The following GRID2 variants were observed in gnomAD, a reference collection of about 807,000 sequenced individuals.
GRID2 encodes glutamate ionotropic receptor delta type subunit 2.
A neutral mutation model predicts 114.8 loss-of-function variants in GRID2; 33 were observed. That is an observed-to-expected ratio of 0.29 (90% CI 0.22 to 0.38). The LOEUF is 0.38. Ranked by LOEUF, GRID2 falls within the 10% of genes least tolerant of loss-of-function variation. The probability of loss-of-function intolerance (pLI) is 1.00; values close to 1 mark genes in which losing one functional copy is unlikely to be tolerated. For missense variants in GRID2, 1,184 were observed against 1,257.7 expected, an observed-to-expected ratio of 0.94 and a Z score of 0.89; for synonymous variants, 505 against 449.9, an observed-to-expected ratio of 1.12 and a Z score of -1.55.
intron 2 of GRID2, among the ~76,000 whole-genome samples, chr4:92,904,155 G>A (rs1200767719): frequency 1.3e-5 from 2 of 151,180 alleles, no homozygotes; most frequent in Non-Finnish European, 3.0e-5. Context: ...TTTAATAAAA[G>A]CATATTCAAT....
At chr4:93,477,558 G>C (rs1367968407) in intron 11 of GRID2, among the ~76,000 whole-genome samples, 2 of 151,964 alleles carry the variant, frequency 1.3e-5, no homozygotes, top group Admixed American at 1.3e-4. Context: ...ACAGATAAAA[G>C]AACTTCTAAT....
At chr4:92,995,264 T>C (rs1236454498) in intron 2 of GRID2, among the ~76,000 whole-genome samples, 1 of 152,156 alleles carries the variant, frequency 6.6e-6, no homozygotes, top group Admixed American at 6.6e-5. Context: ...ATTCTCTCTC[T>C]CCCTCCTCTA....
chr4:93,390,235 T>A (rs1764723229), intron 8 of GRID2, among the ~76,000 whole-genome samples: 1 of 152,218 alleles, frequency 6.6e-6, no homozygotes. Context: ...CAGAATTTTT[T>A]AAAGCTTTCC....
chr4:93,372,338 A>G (rs1414436748), intron 8 of GRID2, among the ~76,000 whole-genome samples: 1 of 150,158 alleles, frequency 6.7e-6, no homozygotes. Flanking sequence ...AAATGTAACT[A>G]CATATGCACA....
At chr4:92,724,271 G>T (rs1735952426) in intron 2 of GRID2, among the ~76,000 whole-genome samples, 1 of 151,974 alleles carries the variant, frequency 6.6e-6, no homozygotes, top group Non-Finnish European at 1.5e-5. Flanking sequence ...ATATTTCCAT[G>T]CCACAAATCT....
At chr4:92,442,969 C>G (rs535036516) in intron 1 of GRID2, among the ~76,000 whole-genome samples, 8 of 151,930 alleles carry the variant, frequency 5.3e-5, no homozygotes, top group African/African-American at 1.9e-4. Context: ...GGTGGAGGAG[C>G]GGAGGCTGAG....
intron 8 of GRID2, among the ~76,000 whole-genome samples, chr4:93,243,320 C>G (rs147262724): frequency 6.6e-6 from 1 of 152,012 alleles, no homozygotes; most frequent in Non-Finnish European, 1.5e-5. Flanking sequence ...TAGGTATTAA[C>G]CCATATAATA....
chr4:92,549,127 A>G (rs1440444323), intron 1 of GRID2, among the ~76,000 whole-genome samples: 1 of 151,870 alleles, frequency 6.6e-6, no homozygotes, highest in Admixed American at 6.6e-5. Flanking sequence ...TTCCGCAAAA[A>G]AAAAAAAAAA....
intron 2 of GRID2, among the ~76,000 whole-genome samples, chr4:92,669,121 A>T (rs1451205984): frequency 6.6e-6 from 1 of 151,984 alleles, no homozygotes; most frequent in Non-Finnish European, 1.5e-5. Context: ...AGTCATTGAA[A>T]AAATGTTTTG....
chr4:92,716,277 A>G (rs1735545971), intron 2 of GRID2, among the ~76,000 whole-genome samples: 1 of 152,160 alleles, frequency 6.6e-6, no homozygotes, highest in Admixed American at 6.5e-5. Context: ...CTTTCTGCAA[A>G]GACTTTCATT....
At chr4:93,134,946 C>G (rs1343841795) in intron 4 of GRID2, among the ~76,000 whole-genome samples, 7 of 152,148 alleles carry the variant, frequency 4.6e-5, no homozygotes, top group African/African-American at 1.7e-4. Flanking sequence ...TCACCGTGCT[C>G]TCTCTGAAAA....
At chr4:93,490,391 G>C (rs756046006) in intron 11 of GRID2, among the ~76,000 whole-genome samples, 1 of 151,830 alleles carries the variant, frequency 6.6e-6, no homozygotes. Flanking sequence ...GGGTTGAACA[G>C]GAAGGGGGAA....
At chr4:93,182,283 CT>C (rs1035016231) in intron 4 of GRID2, among the ~76,000 whole-genome samples, 1 of 149,402 alleles carries the variant, frequency 6.7e-6, no homozygotes, top group Admixed American at 6.7e-5. Flanking sequence ...ACTTTAACAG[CT>C]TTTTTTCTGA....
chr4:92,916,356 A>G (rs1748790784), intron 2 of GRID2, among the ~76,000 whole-genome samples: 1 of 151,914 alleles, frequency 6.6e-6, no homozygotes, highest in African/African-American at 2.4e-5. Context: ...TTTTAGAGAA[A>G]CCGACACTGT....
chr4:92,562,593 C>G (rs1235605961), intron 1 of GRID2, among the ~76,000 whole-genome samples: 1 of 152,226 alleles, frequency 6.6e-6, no homozygotes, highest in Admixed American at 6.6e-5. Flanking sequence ...AGCCCCCACA[C>G]ACAGATCAGT....
intron 1 of GRID2, among the ~76,000 whole-genome samples, chr4:93,785,682 G>A (rs945640451): frequency 1.2e-4 from 18 of 152,132 alleles, no homozygotes; most frequent in East Asian, 3.8e-4. Flanking sequence ...ACTTTAAAGC[G>A]GTGACCTGAT....
chr4:93,139,735 A>AAC (rs70942952), intron 4 of GRID2, among the ~76,000 whole-genome samples: 54,620 of 147,776 alleles, frequency 0.37, 10,080 homozygotes, highest in Admixed American at 0.49. Context: ...GTACTTTTGA[A>AAC]ACACACACAC....
intron 2 of GRID2, among the ~76,000 whole-genome samples, chr4:93,018,912 G>T (rs916697232): frequency 6.6e-6 from 1 of 152,038 alleles, no homozygotes; most frequent in African/African-American, 2.4e-5. Flanking sequence ...AAAGTAAAAG[G>T]CCTACTCAGA....
chr4:93,630,840 A>G lies in GRID2; in HGVS notation c.2360+4405A>G, dbSNP rs1743177342. Among the ~76,000 whole-genome samples the G allele has an allele frequency of 2.0e-5, 3 of 152,166 alleles. No individual in the cohort carries two copies. The South Asian group carries it at 6.2e-4, about 32-fold the overall frequency. ...GCAATAAAATTGGAAAAAATTCAAA[A>G]TTTCTGATTTCATATCCAGTTTTCT... On this transcript the variant is annotated intron_variant, in intron 14 of 15. Coordinates refer to ENST00000282020, the MANE Select transcript of GRID2 (RefSeq NM_001510.4).
Sources: allele counts gnomAD v4.1 joint callset (sites outside exome capture counted in the v4.1 genomes callset), GRCh38; gene constraint gnomAD v4.1.1; transcripts MANE v1.5; gene names NCBI Gene and HGNC (gene_info 2026-07-23, HGNC 2026-07-21).